Variants in RALYL observed in about 807,000 individuals in gnomAD.
RALYL encodes the protein RALY RNA binding protein like, also known as RNA-binding Raly-like protein.
RALYL carries 29 observed loss-of-function variants against 35.1 expected under a neutral mutation model. The observed-to-expected ratio is 0.83, with a 90% CI of 0.61 to 1.13. The LOEUF (loss-of-function observed/expected upper bound fraction) is 1.13, where lower values mean the gene tolerates loss of function less well. Ranked by LOEUF, RALYL falls within the 50% of genes most tolerant of loss-of-function variation. The pLI is 0.00. For missense variants in RALYL, 359 were observed against 360.4 expected (o/e 1.00, Z 0.03); for synonymous variants, 120 against 127.6 (o/e 0.94, Z 0.40).
chr8:84,419,064 T>TA (rs1223401520), intron 1 of RALYL, among the ~76,000 whole-genome samples: 1 of 152,140 alleles, frequency 6.6e-6, no homozygotes, highest in Non-Finnish European at 1.5e-5. Context: ...ACTCCGTATG[T>TA]AAAAAAGATA....
intron 1 of RALYL, among the ~76,000 whole-genome samples, chr8:84,438,990 C>G (rs138663339): frequency 2.0e-5 from 3 of 151,986 alleles, no homozygotes; most frequent in Non-Finnish European, 4.4e-5. Context: ...TTACTAGAGC[C>G]TTATAGTATA....
intron 1 of RALYL, among the ~76,000 whole-genome samples, chr8:84,365,021 G>A (rs750583853): frequency 3.3e-5 from 5 of 151,974 alleles, no homozygotes; most frequent in African/African-American, 4.8e-5. Flanking sequence ...AATGATAGAC[G>A]CTATTAAATA....
At chr8:84,493,940 G>A (rs943156254) in intron 1 of RALYL, among the ~76,000 whole-genome samples, 8 of 152,012 alleles carry the variant, frequency 5.3e-5, no homozygotes, top group Non-Finnish European at 1.2e-4. Context: ...AGCTTTTGTT[G>A]CCATTGATTT....
intron 2 of RALYL, among the ~76,000 whole-genome samples, chr8:84,762,720 G>T (rs1409622979): frequency 6.6e-6 from 1 of 151,978 alleles, no homozygotes; most frequent in Non-Finnish European, 1.5e-5. Context: ...CTATAACTGG[G>T]AATCAATAAT....
At chr8:84,920,838 C>T in intron 8 of RALYL, 56 bp from the exon 9 acceptor site, 1 of 753,740 alleles carries the variant, frequency 1.3e-6, no homozygotes, top group Non-Finnish European at 2.1e-6. Flanking sequence ...TATACGCATG[C>T]TATCAACAAT....
rs551349554 is a variant in RALYL, at chr8:84,741,700, A to T, written c.257-32879A>T. ...TCATCATATGAATTCTGGGGAACAC[A>T]TACATCCAAACCATGGATATATTTA... On this transcript the variant is annotated intron_variant, in intron 2 of 8. Coordinates refer to ENST00000521268, the MANE Select transcript of RALYL (RefSeq NM_173848.7). 2.0e-5 allele frequency among the ~76,000 whole-genome samples: 3 copies of T among 152,200 alleles called. No individual in the cohort carries two copies. The South Asian group carries it at 6.2e-4, about 32-fold the overall frequency.
In RALYL at chr8:84,774,655, G is replaced by A; in HGVS notation, c.332+1G>A. On this transcript the variant is annotated splice_donor_variant, in intron 3 of 8. Coordinates refer to ENST00000521268, the MANE Select transcript of RALYL (RefSeq NM_173848.7). LOFTEE classifies it high-confidence loss of function. The stretch of plus-strand genomic sequence containing the variant: ...AGAGGCCCCTTTCTGCACTTTACAG[G>A]TAAGTAGATAAGCACTGTTTTACTC... The A allele has an allele frequency of 6.2e-7, 1 of 1,602,134 alleles. No homozygotes were observed. Among genetic ancestry groups the A allele is most frequent in the Non-Finnish European group, 8.5e-7 (1 of 1,172,424 alleles).
chr8:84,598,006 C>A (rs1814996588), intron 2 of RALYL, among the ~76,000 whole-genome samples: 1 of 152,120 alleles, frequency 6.6e-6, no homozygotes, highest in Non-Finnish European at 1.5e-5. Context: ...ACCTAGCCTC[C>A]TGAGCATGAC....
At chr8:84,538,530 A>G (rs1232041476) in intron 2 of RALYL, among the ~76,000 whole-genome samples, 6 of 152,160 alleles carry the variant, frequency 3.9e-5, no homozygotes, top group Non-Finnish European at 8.8e-5. Flanking sequence ...GCCAACATAT[A>G]TGTTAAATTC....
intron 2 of RALYL, among the ~76,000 whole-genome samples, chr8:84,662,622 A>C (rs1330206051): frequency 6.6e-6 from 1 of 152,140 alleles, no homozygotes; most frequent in African/African-American, 2.4e-5. Context: ...CTGGATGTTG[A>C]ACACGTGGTA....
intron 4 of RALYL, among the ~76,000 whole-genome samples, chr8:84,825,047 A>G (rs1195460289): frequency 6.6e-6 from 1 of 152,178 alleles, no homozygotes; most frequent in Admixed American, 6.5e-5. Flanking sequence ...AGAAACTATC[A>G]AGGAAGTAAA....
At chr8:84,606,560 A>C (rs1817188160) in intron 2 of RALYL, among the ~76,000 whole-genome samples, 1 of 152,162 alleles carries the variant, frequency 6.6e-6, no homozygotes, top group Non-Finnish European at 1.5e-5. Flanking sequence ...GAATATATTT[A>C]ATTTAATTTT....
chr8:84,915,994 C>G (rs1848403639), intron 8 of RALYL, among the ~76,000 whole-genome samples: 1 of 152,030 alleles, frequency 6.6e-6, no homozygotes, highest in South Asian at 2.1e-4. Context: ...CTAGGAAAAT[C>G]AGCCATTTTC....
chr8:84,249,875 G>GT (rs35180639), intron 1 of RALYL, among the ~76,000 whole-genome samples: 66,335 of 148,776 alleles, frequency 0.45, 14,721 homozygotes, highest in East Asian at 0.53. Flanking sequence ...GAGTTCAAAG[G>GT]TTTTTTTTTT....
chr8:84,826,656 C>T (rs886676513), intron 4 of RALYL, among the ~76,000 whole-genome samples: 2 of 151,986 alleles, frequency 1.3e-5, no homozygotes, highest in African/African-American at 4.8e-5. Context: ...CAGTAAACTA[C>T]TAGGACCCTT....
chr8:84,749,943 G>A (rs1809552482), intron 2 of RALYL, among the ~76,000 whole-genome samples: 1 of 152,124 alleles, frequency 6.6e-6, no homozygotes, highest in Non-Finnish European at 1.5e-5. Flanking sequence ...GCTCATCCTG[G>A]CTTATATACC....
At chr8:84,220,009 C>G (rs1448419268) in intron 1 of RALYL, among the ~76,000 whole-genome samples, 1 of 151,904 alleles carries the variant, frequency 6.6e-6, no homozygotes, top group African/African-American at 2.4e-5. Context: ...TTTTTAGATG[C>G]CTGATGTCCC....
chr8:84,424,391 G>T (rs317934), intron 1 of RALYL, among the ~76,000 whole-genome samples: 78,874 of 82,840 alleles, frequency 0.95, 38,001 homozygotes, highest in East Asian at 1. Flanking sequence ...GCCTTGGTTT[G>T]CAGCTCCATC....
Position 84,562,577 on chromosome 8 carries a change from A to T in RALYL, c.256+33000A>T, listed in dbSNP as rs1260822212. 2.0e-5 allele frequency among the ~76,000 whole-genome samples: 3 copies of T among 151,918 alleles called. No individual in the cohort carries two copies. In the East Asian group the frequency reaches 5.8e-4, roughly 29 times the overall value. On this transcript the variant is annotated intron_variant, in intron 2 of 8. Coordinates refer to ENST00000521268, the MANE Select transcript of RALYL (RefSeq NM_173848.7). Reference sequence around the variant, plus strand: ...AAAATGTATGGGAAAAGATTCCTAAAAAATGGAACAGATGGGCATCCAGCT... The same window carrying T: ...AAAATGTATGGGAAAAGATTCCTAATAAATGGAACAGATGGGCATCCAGCT...
Sources: gnomAD v4.1 joint callset for allele counts (sites outside exome capture counted in the v4.1 genomes callset) on GRCh38, gnomAD v4.1.1 for gene constraint, MANE v1.5 for transcripts, NCBI Gene and HGNC (gene_info 2026-07-23, HGNC 2026-07-21) for gene names.